TNFRSF11B: variants seen among roughly 807,000 people sequenced by gnomAD.
TNFRSF11B encodes tumor necrosis factor receptor superfamily member 11B.
A neutral mutation model predicts 43.4 loss-of-function variants in TNFRSF11B; 16 were observed. That is an observed-to-expected ratio of 0.37 (90% confidence interval 0.25 to 0.56). The LOEUF is 0.56. Ranked by LOEUF, TNFRSF11B falls within the 20% of genes least tolerant of loss-of-function variation. The pLI is 0.80. For synonymous variants in TNFRSF11B, 185 were observed against 181.8 expected, an observed-to-expected ratio of 1.02 and a Z score of -0.14; for missense variants, 444 against 490.1, an observed-to-expected ratio of 0.91 and a Z score of 0.89.
chr8:118,938,152 ATTTTAT>A (rs890731959), intron 1 of TNFRSF11B, among the ~76,000 whole-genome samples: 2 of 152,104 alleles, frequency 1.3e-5, no homozygotes, highest in African/African-American at 4.8e-5. Flanking sequence ...GTCTATTTCA[ATTTTAT>A]TTTTATTGAG....
intron 2 of TNFRSF11B, among the ~76,000 whole-genome samples, chr8:118,931,469 TTTTCA>T (rs764543962): frequency 4.3e-4 from 66 of 152,212 alleles, no homozygotes; most frequent in Non-Finnish European, 7.5e-4. Flanking sequence ...CATAGCCCAC[TTTTCA>T]TTTTTCTACA....
chr8:118,940,934 T>G (rs1383764711), intron 1 of TNFRSF11B, among the ~76,000 whole-genome samples: 1 of 152,204 alleles, frequency 6.6e-6, no homozygotes, highest in African/African-American at 2.4e-5. Context: ...GTCTTACACA[T>G]GGCAAGTATT....
At chr8:118,929,677 A>G (rs1370470149) in intron 2 of TNFRSF11B, among the ~76,000 whole-genome samples, 3 of 152,226 alleles carry the variant, frequency 2.0e-5, no homozygotes, top group Non-Finnish European at 4.4e-5. Context: ...TGGCAGAAAA[A>G]CTTGAACCAG....
chr8:118,928,974 T>A, intron 2 of TNFRSF11B, 45 bp from the exon 3 acceptor site: 1 of 1,583,614 alleles, frequency 6.3e-7, no homozygotes, highest in South Asian at 1.1e-5. Flanking sequence ...CTCAAATCGT[T>A]TCCCAGCAGA....
At chr8:118,938,614 C>A (rs1812435680) in intron 1 of TNFRSF11B, among the ~76,000 whole-genome samples, 1 of 152,154 alleles carries the variant, frequency 6.6e-6, no homozygotes, top group African/African-American at 2.4e-5. Context: ...AATTTTCATT[C>A]AGTCTCAAGG....
At chr8:118,950,965 T>C (rs1390361731) in intron 1 of TNFRSF11B, among the ~76,000 whole-genome samples, 1 of 152,182 alleles carries the variant, frequency 6.6e-6, no homozygotes, top group Non-Finnish European at 1.5e-5. Context: ...TGATGTACTC[T>C]ACACTCTAGT....
chr8:118,926,982 G>A (rs1457966857), intron 3 of TNFRSF11B, among the ~76,000 whole-genome samples: 1 of 152,088 alleles, frequency 6.6e-6, no homozygotes, highest in African/African-American at 2.4e-5. Context: ...GTGAAATATT[G>A]TTGTAAATAA....
intron 1 of TNFRSF11B, among the ~76,000 whole-genome samples, chr8:118,940,197 G>A (rs2129910982): frequency 6.6e-6 from 1 of 152,278 alleles, no homozygotes; most frequent in South Asian, 2.1e-4. Flanking sequence ...GGGGGAGCAG[G>A]GAGGGATAGC....
chr8:118,931,099 C>T (rs190194162), intron 2 of TNFRSF11B, among the ~76,000 whole-genome samples: 67 of 152,154 alleles, frequency 4.4e-4, no homozygotes, highest in African/African-American at 1.6e-3. Flanking sequence ...CTAAGTAATT[C>T]CACAGGAATT....
chr8:118,942,155 G>A (rs913246009), intron 1 of TNFRSF11B, among the ~76,000 whole-genome samples: 4 of 152,022 alleles, frequency 2.6e-5, no homozygotes, highest in Non-Finnish European at 5.9e-5. Flanking sequence ...TGCCATGTTG[G>A]TGTGCTGCCC....
intron 2 of TNFRSF11B, among the ~76,000 whole-genome samples, chr8:118,931,262 C>T (rs1015151036): frequency 1.3e-5 from 2 of 152,146 alleles, no homozygotes; most frequent in African/African-American, 4.8e-5. Flanking sequence ...CCAAGAGGAA[C>T]TGCTGTGTGG....
rs1812349599 is a variant in TNFRSF11B at position 118,932,958 on chromosome 8, G to A, written c.373C>T (p.Pro125Ser). ...IEFCLKHRSC[P>S]PGFGVVQAGT... ...GCTTGCACCACTCCAAATCCAGGAG[G>A]GCAGCTCCTATGTTTCAAGCAGAAC... The change falls in exon 2 of 5, where the codon CCT (proline) becomes TCT (serine). Residue 125 changes from proline to serine, a missense_variant. By Grantham distance (74) the Pro-to-Ser change is moderately conservative (BLOSUM62 -1). Transcript: ENST00000297350. 6.2e-7 allele frequency: 1 copy of A among 1,614,022 alleles called. No individual in the cohort carries two copies. The highest frequency in any genetic ancestry group is 1.3e-5 in the African/African-American group (1 of 74,932).
chr8:118,928,972 G>C (rs775854312), intron 2 of TNFRSF11B, 43 bp from the exon 3 acceptor site: 1 of 1,591,710 alleles, frequency 6.3e-7, no homozygotes. Flanking sequence ...TCCTCAAATC[G>C]TTTCCCAGCA....
intron 2 of TNFRSF11B, among the ~76,000 whole-genome samples, chr8:118,929,547 A>C (rs1170168995): frequency 6.6e-6 from 1 of 152,248 alleles, no homozygotes. Context: ...TAAACGGAAG[A>C]TGATATACCA....
intron 1 of TNFRSF11B, among the ~76,000 whole-genome samples, chr8:118,934,321 G>A (rs11573901): frequency 0.027 from 4,080 of 152,276 alleles, 88 homozygotes; most frequent in Non-Finnish European, 0.042. Flanking sequence ...AAGATTCCTC[G>A]AATGTAAGGT....
chr8:118,926,378 A>T, intron 4 of TNFRSF11B, 116 bp downstream of exon 4: 5 of 1,007,182 alleles, frequency 5.0e-6, no homozygotes, highest in Non-Finnish European at 4.5e-6. Flanking sequence ...TCCAACAATG[A>T]TTCCAACAGG....
chr8:118,946,492 GC>G (rs1333381987), intron 1 of TNFRSF11B, among the ~76,000 whole-genome samples: 1 of 152,060 alleles, frequency 6.6e-6, no homozygotes, highest in Non-Finnish European at 1.5e-5. Context: ...TTTCAAGTTG[GC>G]CATACCTCAC....
chr8:118,929,056 C>T (rs1441964727), intron 2 of TNFRSF11B, 127 bp from the exon 3 acceptor site: 1 of 832,116 alleles, frequency 1.2e-6, no homozygotes, highest in Non-Finnish European at 1.9e-6. Flanking sequence ...GCACAAAACT[C>T]TAGCATTTTC....
At chr8:118,935,603 G>C (rs1812394979) in intron 1 of TNFRSF11B, among the ~76,000 whole-genome samples, 1 of 151,928 alleles carries the variant, frequency 6.6e-6, no homozygotes, top group South Asian at 2.1e-4. Flanking sequence ...AATATATATA[G>C]GAGAATTATA....
Sources: allele counts gnomAD v4.1 joint callset (sites outside exome capture counted in the v4.1 genomes callset), GRCh38; gene constraint gnomAD v4.1.1; transcripts MANE v1.5; gene names NCBI Gene and HGNC (gene_info 2026-07-23, HGNC 2026-07-21).